WWTR1: variants seen among roughly 807,000 people sequenced by gnomAD.
WWTR1 encodes the protein WW domain-containing transcription regulator protein 1.
Under a neutral mutation model 40.1 loss-of-function variants are expected in WWTR1, and 13 were observed. The ratio of observed to expected loss-of-function variants is 0.32; its 90% confidence interval spans 0.21 to 0.52. WWTR1 has a LOEUF of 0.52. Ranked by LOEUF, WWTR1 falls within the 20% of genes least tolerant of loss-of-function variation. The pLI, the probability that WWTR1 is intolerant of heterozygous loss-of-function variation, is 0.97. For synonymous variants in WWTR1, 230 were observed against 210.1 expected, an observed-to-expected ratio of 1.09 and a Z score of -0.82; for missense variants, 436 against 523.1, an observed-to-expected ratio of 0.83 and a Z score of 1.63.
intron 1 of WWTR1, among the ~76,000 whole-genome samples, chr3:149,674,206 C>A (rs1714186560): frequency 2.7e-5 from 4 of 148,494 alleles, no homozygotes; most frequent in Admixed American, 6.8e-5. Flanking sequence ...GGTGACAGAG[C>A]AAGACACTGT....
At chr3:149,628,345 G>GT (rs1287342161) in intron 2 of WWTR1, among the ~76,000 whole-genome samples, 1 of 152,236 alleles carries the variant, frequency 6.6e-6, no homozygotes, top group Non-Finnish European at 1.5e-5. Flanking sequence ...CTCCAGCCTG[G>GT]GCAACAGAGC....
At chr3:149,541,247 A>G (rs1560051296) in intron 4 of WWTR1, among the ~76,000 whole-genome samples, 1 of 152,250 alleles carries the variant, frequency 6.6e-6, no homozygotes, top group Non-Finnish European at 1.5e-5. Flanking sequence ...TTAGCAACAC[A>G]GAAGAAAGAA....
intron 5 of WWTR1, among the ~76,000 whole-genome samples, chr3:149,715,693 A>G (rs1715592194): frequency 6.6e-6 from 1 of 152,224 alleles, no homozygotes; most frequent in Admixed American, 6.5e-5. Flanking sequence ...CGACATCCCA[A>G]TCCCAAAGAT....
chr3:149,585,296 C>T (rs913563408), intron 2 of WWTR1, among the ~76,000 whole-genome samples: 2 of 152,124 alleles, frequency 1.3e-5, no homozygotes, highest in African/African-American at 4.8e-5. Flanking sequence ...CTACGCCAGG[C>T]TAATTTTTTT....
At chr3:149,705,797 C>T (rs763245219), upstream of WWTR1, among the ~76,000 whole-genome samples, 2 of 152,166 alleles carry the variant, frequency 1.3e-5, no homozygotes, top group Non-Finnish European at 2.9e-5. Context: ...TGAAGTTATG[C>T]TAATTAAGTA....
intron 5 of WWTR1, among the ~76,000 whole-genome samples, chr3:149,713,970 C>T (rs1010467475): frequency 5.3e-5 from 8 of 152,188 alleles, no homozygotes; most frequent in Non-Finnish European, 1.2e-4. Flanking sequence ...GGGGAGGCTG[C>T]GGGGAGGAGA....
intron 3 of WWTR1, among the ~76,000 whole-genome samples, chr3:149,542,884 TTGTG>T (rs3217417): frequency 6.7e-6 from 1 of 150,240 alleles, no homozygotes; most frequent in Middle Eastern, 3.4e-3. Flanking sequence ...ACCAGATCAT[TTGTG>T]TGTGTGTGTG....
intron 3 of WWTR1, among the ~76,000 whole-genome samples, chr3:149,547,451 G>A (rs1031763720): frequency 6.6e-6 from 1 of 152,060 alleles, no homozygotes; most frequent in African/African-American, 2.4e-5. Context: ...GCTTGAACCC[G>A]GGACGTGGAG....
intron 2 of WWTR1, among the ~76,000 whole-genome samples, chr3:149,575,535 G>T (rs762738829): frequency 2.0e-5 from 3 of 152,172 alleles, no homozygotes; most frequent in Non-Finnish European, 4.4e-5. Flanking sequence ...TTGATGCTGT[G>T]CTAGAACCAA....
intron 3 of WWTR1, 66 bp downstream of exon 3, chr3:149,572,798 A>T: frequency 6.4e-7 from 1 of 1,567,024 alleles, no homozygotes; most frequent in South Asian, 1.2e-5. Flanking sequence ...CCTGGGCAAC[A>T]AAGGGAGACC....
At chr3:149,655,305 C>T (rs1249702418) in intron 2 of WWTR1, among the ~76,000 whole-genome samples, 13 of 151,574 alleles carry the variant, frequency 8.6e-5, no homozygotes, top group Non-Finnish European at 1.8e-4. Flanking sequence ...ATTAGCCAGG[C>T]GTGGTGGTGG....
intron 1 of WWTR1, among the ~76,000 whole-genome samples, chr3:149,691,745 G>A (rs183809045): frequency 2.0e-4 from 31 of 152,268 alleles, no homozygotes; most frequent in Admixed American, 2.0e-4. Context: ...GGCCGGGCGC[G>A]GTGGCTCATG....
At chr3:149,656,301 A>G (rs1397439846) in intron 2 of WWTR1, among the ~76,000 whole-genome samples, 2 of 152,200 alleles carry the variant, frequency 1.3e-5, no homozygotes, top group Non-Finnish European at 2.9e-5. Flanking sequence ...CCAGCCCACA[A>G]CTACTCCACC....
chr3:149,534,425 A>G (rs563205388), intron 4 of WWTR1, among the ~76,000 whole-genome samples: 1 of 152,360 alleles, frequency 6.6e-6, no homozygotes, highest in African/African-American at 2.4e-5. Flanking sequence ...TTTTCCCAGC[A>G]ATAAAATAGA....
chr3:149,605,592 G>A (rs527275052), intron 2 of WWTR1, among the ~76,000 whole-genome samples: 6 of 152,268 alleles, frequency 3.9e-5, no homozygotes, highest in South Asian at 4.1e-4. Flanking sequence ...TGACTGTGGC[G>A]CATGCAAGTA....
Position 149,657,159 on chromosome 3 carries a change from C to G in WWTR1, c.148G>C (p.Glu50Gln). 1 of 1,606,476 alleles carries G rather than the reference C, an allele frequency of 6.2e-7. No homozygotes were observed. Among genetic ancestry groups the G allele is most frequent in the South Asian group, 1.1e-5 (1 of 89,664 alleles). The change falls in exon 2 of 7, where the codon GAG becomes CAG. Residue 50 changes from glutamate (E) to glutamine (Q), a missense_variant. Glu to Gln is a conservative substitution (Grantham distance 29, BLOSUM62 2). Transcript: ENST00000360632. Reference sequence around the variant, plus strand: ...GAATCAGGCTCCTTAAAGAAAGACTCCGGCAGGATCTTCTTCCGCCACGAG... The same window carrying G: ...GAATCAGGCTCCTTAAAGAAAGACTGCGGCAGGATCTTCTTCCGCCACGAG... ...PSSWRKKILP[E>Q]SFFKEPDSGS... is the part of the protein sequence containing the mutation.
chr3:149,594,816 T>C (rs1234749271), intron 2 of WWTR1, among the ~76,000 whole-genome samples: 1 of 152,058 alleles, frequency 6.6e-6, no homozygotes, highest in Non-Finnish European at 1.5e-5. Context: ...TATTAGGTCA[T>C]ATTATTGTAC....
chr3:149,670,006 G>C (rs1281271140), intron 1 of WWTR1: 1 of 152,316 alleles, frequency 6.6e-6, no homozygotes, highest in African/African-American at 2.4e-5. Flanking sequence ...GCCAGGAAAA[G>C]TCTCAGCCCC....
At chr3:149,660,422 A>G (rs1713519868), upstream of WWTR1, 1 of 152,234 alleles carries the variant, frequency 6.6e-6, no homozygotes, top group African/African-American at 2.4e-5. Context: ...AGAAATAGAT[A>G]GTGCAACAGA....
Sources: gnomAD v4.1 joint callset for allele counts (sites outside exome capture counted in the v4.1 genomes callset) on GRCh38, gnomAD v4.1.1 for gene constraint, MANE v1.5 for transcripts, NCBI Gene and HGNC (gene_info 2026-07-23, HGNC 2026-07-21) for gene names.